Variants in DMTN observed in about 807,000 individuals in gnomAD.
DMTN encodes dematin actin binding protein, also known as dematin.
DMTN carries 27 observed loss-of-function variants against 59.4 expected under a neutral mutation model. The observed-to-expected ratio is 0.45, with a 90% CI of 0.33 to 0.63. DMTN has a LOEUF of 0.63. Ranked by LOEUF, DMTN falls within the 20% of genes least tolerant of loss-of-function variation. The probability of loss-of-function intolerance (pLI) is 0.02; values close to 1 mark genes in which losing one functional copy is unlikely to be tolerated. For missense variants in DMTN, 451 were observed against 528.9 expected, an observed-to-expected ratio of 0.85 and a Z score of 1.45; for synonymous variants, 221 against 203.7, an observed-to-expected ratio of 1.08 and a Z score of -0.72.
chr8:22,066,628 G>A, intron 1 of DMTN, 77 bp from the exon 2 acceptor site: 1 of 350,508 alleles, frequency 2.9e-6, no homozygotes, highest in Non-Finnish European at 5.1e-6. Flanking sequence ...GGGCCCGGCT[G>A]CCTGGAGAGC....
chr8:22,069,610 T>C, intron 6 of DMTN, 92 bp downstream of exon 6: 1 of 1,151,774 alleles, frequency 8.7e-7, no homozygotes, highest in Non-Finnish European at 1.2e-6. Flanking sequence ...CTCTCTGGGG[T>C]ATATGCTCGC....
At chr8:22,055,879 T>C (rs1224952703), upstream of DMTN, among the ~76,000 whole-genome samples, 1 of 152,034 alleles carries the variant, frequency 6.6e-6, no homozygotes, top group Non-Finnish European at 1.5e-5. Flanking sequence ...ATTCTAGATT[T>C]CCCCAACAAC....
rs1191542447 is a variant in DMTN, at chr8:22,081,715, C to T, written c.*252C>T. On this transcript the variant is annotated 3_prime_UTR_variant, in exon 16 of 16. Coordinates refer to ENST00000358242, the MANE Select transcript of DMTN (RefSeq NM_001387751.1). ...CAAAGCCAGTCTGGGCTCTGGCACACAGAGTTCATGTTTGCGCCCTCTCCC... is the reference window on the plus strand; with the variant it reads ...CAAAGCCAGTCTGGGCTCTGGCACATAGAGTTCATGTTTGCGCCCTCTCCC... 1 of 580,318 alleles carries T rather than the reference C, an allele frequency of 1.7e-6. No individual in the cohort carries two copies. Among genetic ancestry groups the T allele is most frequent in the Admixed American group, 2.5e-5 (1 of 40,236 alleles). 35.9% of individuals were successfully genotyped at this position (580,318 alleles called of 1,614,324 possible).
At chr8:22,075,853 T>A (rs1185850001) in intron 10 of DMTN, among the ~76,000 whole-genome samples, 1 of 152,096 alleles carries the variant, frequency 6.6e-6, no homozygotes, top group East Asian at 1.9e-4. Flanking sequence ...TACCACAAGG[T>A]CTCATTGCAG....
intron 7 of DMTN, 119 bp downstream of exon 7, chr8:22,070,056 G>T (rs1379080887): frequency 9.1e-6 from 14 of 1,536,880 alleles, no homozygotes; most frequent in Non-Finnish European, 1.3e-5. Context: ...CAGCACGTGT[G>T]CCCCGTGCTC....
At position 22,058,718 on chromosome 8, in the gene DMTN, G is replaced by A. The variant is rs1014387785; in HGVS notation, c.-172+1582G>A. Among the ~76,000 whole-genome samples, 1 of 152,190 alleles carries A rather than the reference G, an allele frequency of 6.6e-6. No individual in the cohort carries two copies. On this transcript the variant is annotated intron_variant, in intron 1 of 15. Transcript: ENST00000358242. The surrounding 1 kb of genome is among the most constrained non-coding windows in gnomAD (Gnocchi z 4.3). Reference sequence around the variant, plus strand: ...GAGGGTGCCCTGTAGTGCTGGGTTAGGGGAACCCTCATCCCAGCAGACACA... The same window carrying A: ...GAGGGTGCCCTGTAGTGCTGGGTTAAGGGAACCCTCATCCCAGCAGACACA...
chr8:22,081,108 C>G lies in DMTN; in HGVS notation c.1024-5C>G. 1 of 1,117,164 alleles carries G rather than the reference C, an allele frequency of 9.0e-7. No homozygotes were observed. The highest frequency in any genetic ancestry group is 1.3e-6 in the Non-Finnish European group (1 of 769,954). The allele number at this position is 1,117,164 out of a possible 1,614,324, so 69.2% of individuals were successfully genotyped here. ...GCCTAAGATTGCCCCTCCCCCCACC[C>G]CCAGATCTATCCCTATGAAATGCTA... is the stretch of plus-strand genomic sequence containing the variant. On this transcript the variant is annotated splice_polypyrimidine_tract_variant and splice_region_variant and intron_variant, in intron 14 of 15. Transcript: ENST00000358242.
chr8:22,075,539 T>TTTTTTTTTG (rs10669729), intron 10 of DMTN, among the ~76,000 whole-genome samples: 2 of 147,538 alleles, frequency 1.4e-5, no homozygotes, highest in Non-Finnish European at 3.0e-5. Context: ...TTTTTTTTTT[T>TTTTTTTTTG]AGACAGAGTC....
Position 22,058,486 on chromosome 8 carries a change from T to C in DMTN, c.-172+1350T>C, listed in dbSNP as rs1803978681. Reference sequence around the variant, plus strand: ...CAGAAAGCGGGGTCTCTTCAGAGGGTGGGTGGAGAGGGCACATAGAAACCA... The same window carrying C: ...CAGAAAGCGGGGTCTCTTCAGAGGGCGGGTGGAGAGGGCACATAGAAACCA... On this transcript the variant is annotated intron_variant, in intron 1 of 15. Transcript: ENST00000358242. This position sits in a 1 kb window ranked among gnomAD's most constrained non-coding sequence, Gnocchi z 4.3. 6.6e-6 allele frequency among the ~76,000 whole-genome samples: 1 copy of C among 151,650 alleles called. No individual in the cohort carries two copies. The highest frequency in any genetic ancestry group is 2.4e-5 in the African/African-American group (1 of 41,204).
upstream of DMTN, among the ~76,000 whole-genome samples, chr8:22,052,107 A>G (rs1801416050): frequency 6.6e-6 from 1 of 152,086 alleles, no homozygotes; most frequent in Non-Finnish European, 1.5e-5. Context: ...TCTGCTCCAT[A>G]GGCTCTTGGC....
chr8:22,053,937 G>C (rs896697032), upstream of DMTN, among the ~76,000 whole-genome samples: 1 of 152,174 alleles, frequency 6.6e-6, no homozygotes, highest in Non-Finnish European at 1.5e-5. Flanking sequence ...CAAGCCATGG[G>C]GGAGTTCAGT....
chr8:22,073,958 G>C, intron 10 of DMTN, 123 bp downstream of exon 10: 1 of 707,864 alleles, frequency 1.4e-6, no homozygotes, highest in Non-Finnish European at 2.4e-6. Flanking sequence ...TGCTCTCTTG[G>C]GAGCAAGAAT....
rs1399916102 is a variant in DMTN at position 22,070,198 on chromosome 8, C to T, written c.468C>T (p.Ser156=). 1.9e-6 allele frequency: 3 copies of T among 1,596,686 alleles called. No homozygotes were observed. Among genetic ancestry groups the T allele is most frequent in the Non-Finnish European group, 8.5e-7 (1 of 1,170,286 alleles). The change falls in exon 8 of 16, where the codon AGC becomes AGT. Residue 156 remains serine, a synonymous_variant. Transcript: ENST00000358242. ...TGTCTGCAGAGTCCGTGGGAGGCAG[C>T]CCTCAGACCAAGCACCTCATCGAGG... ...IYKQRESVGG[S]PQTKHLIEDL... is the part of the protein sequence containing the mutation.
intron 4 of DMTN, 76 bp downstream of exon 4, chr8:22,067,758 G>T: frequency 1.3e-6 from 2 of 1,536,130 alleles, no homozygotes; most frequent in Non-Finnish European, 8.8e-7. Flanking sequence ...GATCCCTCCC[G>T]TGCTTCCTTT....
At chr8:22,063,852 C>T (rs978420624) in intron 1 of DMTN, among the ~76,000 whole-genome samples, 3 of 152,184 alleles carry the variant, frequency 2.0e-5, no homozygotes, top group African/African-American at 7.2e-5. Flanking sequence ...TTCTGCTTTG[C>T]ATGGGAGTTA....
intron 1 of DMTN, among the ~76,000 whole-genome samples, chr8:22,059,780 G>C (rs772877687): frequency 6.6e-6 from 1 of 152,232 alleles, no homozygotes; most frequent in Non-Finnish European, 1.5e-5. Flanking sequence ...CAGGAGCACA[G>C]CTAGACCAGG....
rs771169124 is a variant in DMTN, at chr8:22,080,155, C to T, written c.836-25C>T. On this transcript the variant is annotated intron_variant, in intron 10 of 15. Coordinates refer to ENST00000358242, the MANE Select transcript of DMTN (RefSeq NM_001387751.1). Reference sequence around the variant, plus strand: ...GGCTGTCAGGGCCAAAGGGACTGAACTCAGGACCTTTTGCTGTCTTCCAGC... The same window carrying T: ...GGCTGTCAGGGCCAAAGGGACTGAATTCAGGACCTTTTGCTGTCTTCCAGC... 8 of 1,613,732 alleles carry T rather than the reference C, an allele frequency of 5.0e-6. No individual in the cohort carries two copies. In the Admixed American group the frequency reaches 1.3e-4, roughly 27 times the overall value.
upstream of DMTN, among the ~76,000 whole-genome samples, chr8:22,050,777 G>A (rs1376737779): frequency 6.6e-6 from 1 of 152,084 alleles, no homozygotes; most frequent in Non-Finnish European, 1.5e-5. Flanking sequence ...GGGTCCCTGG[G>A]TCCCTGGGTC....
At chr8:22,066,946 G>T in intron 2 of DMTN, 53 bp downstream of exon 2, 1 of 1,238,378 alleles carries the variant, frequency 8.1e-7, no homozygotes. Context: ...GGGGCCGCTT[G>T]GGAGTCCAGG....
Sources: gnomAD v4.1 joint callset for allele counts (sites outside exome capture counted in the v4.1 genomes callset) on GRCh38, gnomAD v4.1.1 for gene constraint, Gnocchi (gnomAD v3.1) non-coding constraint, MANE v1.5 for transcripts, NCBI Gene and HGNC (gene_info 2026-07-23, HGNC 2026-07-21) for gene names.